The following OCA2 variants were observed in gnomAD, a reference collection of about 807,000 sequenced individuals.
The protein encoded by OCA2 is OCA2 melanosomal transmembrane protein, also known as P protein.
In OCA2, 77 loss-of-function variants were observed where a neutral mutation model predicts 100.2. That is an observed-to-expected ratio of 0.77 (90% CI 0.64 to 0.93). The LOEUF (loss-of-function observed/expected upper bound fraction) is 0.93, where lower values mean the gene tolerates loss of function less well. Among genes scored for constraint, OCA2 ranks in the 40% least tolerant of loss-of-function variants. OCA2 has a pLI of 0.00. For synonymous variants in OCA2, 432 were observed against 439.2 expected (o/e 0.98, Z 0.21); for missense variants, 1,062 against 1,089.1 (o/e 0.98, Z 0.35).
intron 9 of OCA2, among the ~76,000 whole-genome samples, chr15:27,999,945 A>G (rs1398319843): frequency 6.6e-6 from 1 of 152,182 alleles, no homozygotes; most frequent in Admixed American, 6.5e-5. Context: ...ACAGTAAGAC[A>G]TGAATGAAGA....
chr15:27,895,993 G>T (rs181652103), intron 19 of OCA2: 2 of 842,458 alleles, frequency 2.4e-6, no homozygotes, highest in East Asian at 4.9e-5. Context: ...ATTACGCTGC[G>T]GTGTATTGTA....
chr15:28,032,537 C>A (rs7496074), intron 2 of OCA2, among the ~76,000 whole-genome samples: 2 of 151,756 alleles, frequency 1.3e-5, no homozygotes, highest in African/African-American at 2.4e-5. Context: ...TGTAATCCCA[C>A]CACTTTGGGA....
intron 23 of OCA2, among the ~76,000 whole-genome samples, chr15:27,790,267 T>C (rs2033018448): frequency 1.3e-5 from 2 of 152,232 alleles, no homozygotes. Context: ...AAGTGCTGAT[T>C]AGACAGTAGG....
chr15:28,006,172 G>C (rs1054602453), intron 9 of OCA2, among the ~76,000 whole-genome samples: 6 of 152,168 alleles, frequency 3.9e-5, no homozygotes, highest in African/African-American at 1.4e-4. Context: ...GTTAGCTCCG[G>C]TGGTTATCAC....
At chr15:27,833,741 C>T (rs761854825) in intron 23 of OCA2, among the ~76,000 whole-genome samples, 35 of 152,072 alleles carry the variant, frequency 2.3e-4, no homozygotes, top group Non-Finnish European at 4.9e-4. Context: ...TCCCCTTAGA[C>T]GACTCTATAG....
intron 17 of OCA2, among the ~76,000 whole-genome samples, chr15:27,953,485 G>A (rs1402961607): frequency 6.6e-6 from 1 of 152,216 alleles, no homozygotes; most frequent in Non-Finnish European, 1.5e-5. Flanking sequence ...AAGGAGCATG[G>A]CAGGAAAAAG....
chr15:27,886,157 A>C (rs901031103), intron 19 of OCA2, among the ~76,000 whole-genome samples: 5 of 152,214 alleles, frequency 3.3e-5, no homozygotes, highest in Admixed American at 6.5e-5. Flanking sequence ...TCTGGGGTCC[A>C]GCCCCCTGAG....
chr15:27,973,947 T>C (rs1332139825), intron 14 of OCA2, among the ~76,000 whole-genome samples: 2 of 152,204 alleles, frequency 1.3e-5, no homozygotes, highest in African/African-American at 4.8e-5. Flanking sequence ...TGGTAGCTAT[T>C]GTGAAAGGGA....
intron 17 of OCA2, among the ~76,000 whole-genome samples, chr15:27,954,116 T>TACAC (rs200633980): frequency 0.036 from 1,682 of 46,444 alleles, 28 homozygotes; most frequent in African/African-American, 0.051. Context: ...TTCCATGGCA[T>TACAC]ACACACACAC....
intron 3 of OCA2, 48 bp downstream of exon 3, chr15:28,032,017 G>T: frequency 7.2e-7 from 1 of 1,387,222 alleles, no homozygotes; most frequent in Non-Finnish European, 1.0e-6. Context: ...CATGCCAGGT[G>T]CAATGCTCAG....
chr15:27,980,042 C>G (rs2041104125), intron 14 of OCA2, among the ~76,000 whole-genome samples: 2 of 151,542 alleles, frequency 1.3e-5, no homozygotes. Flanking sequence ...TCTTCCCTTC[C>G]AGGCTTTATT....
downstream of OCA2, among the ~76,000 whole-genome samples, chr15:27,754,535 G>A (rs987689209): frequency 6.6e-6 from 1 of 152,160 alleles, no homozygotes; most frequent in Admixed American, 6.5e-5. Flanking sequence ...GAAGCACAGG[G>A]CTCCCCCTTG....
intron 23 of OCA2, among the ~76,000 whole-genome samples, chr15:27,838,304 A>G (rs369646818): frequency 5.9e-5 from 9 of 152,358 alleles, no homozygotes; most frequent in African/African-American, 2.2e-4. Context: ...AATGAAGATT[A>G]AATTATAAGG....
At chr15:28,056,622 C>T (rs561495964) in intron 2 of OCA2, among the ~76,000 whole-genome samples, 133 of 152,388 alleles carry the variant, frequency 8.7e-4, no homozygotes, top group African/African-American at 3.1e-3. Context: ...GTTAGGAAAG[C>T]ATCAGCAGTG....
intron 19 of OCA2, among the ~76,000 whole-genome samples, chr15:27,913,838 G>GGAAAGAAAGAAAAGAAA (rs2038505029): frequency 1.9e-4 from 7 of 37,038 alleles, no homozygotes; most frequent in African/African-American, 4.4e-4. Context: ...AAGAAAGAAA[G>GGAAAGAAAGAAAAGAAA]GAAAGAAAGA....
At chr15:27,805,314 G>A (rs2033789117) in intron 23 of OCA2, among the ~76,000 whole-genome samples, 1 of 152,254 alleles carries the variant, frequency 6.6e-6, no homozygotes. Context: ...GAGGCGATAA[G>A]CCTTAGGGGC....
intron 1 of OCA2, among the ~76,000 whole-genome samples, chr15:28,083,846 T>C (rs1158873007): frequency 6.6e-6 from 1 of 152,228 alleles, no homozygotes; most frequent in Admixed American, 6.5e-5. Context: ...CTGGTCCTGC[T>C]GAGACTTTAG....
Position 27,957,102 on chromosome 15 carries a change from G to A in OCA2, c.1784+486C>T, listed in dbSNP as rs1228991903. Among the ~76,000 whole-genome samples the A allele has an allele frequency of 6.6e-6, 1 of 152,206 alleles. No homozygotes were observed. The highest frequency in any genetic ancestry group is 1.5e-5 in the Non-Finnish European group (1 of 68,036). On this transcript the variant is annotated intron_variant, in intron 16 of 23. Transcript: ENST00000354638. The surrounding 1 kb of genome is among the most constrained non-coding windows in gnomAD (Gnocchi z 4.3). ...GCAAGGAGAAAAACCACCAATTCAT[G>A]GTTACCCTTTAAATCTCAGCTTCAA...
At chr15:27,757,052 A>T (rs916129340) in intron 23 of OCA2, among the ~76,000 whole-genome samples, 7 of 152,154 alleles carry the variant, frequency 4.6e-5, no homozygotes, top group African/African-American at 1.4e-4. Flanking sequence ...GACACTCTCC[A>T]TGCACAGGAC....
Sources: gnomAD v4.1 joint callset for allele counts (sites outside exome capture counted in the v4.1 genomes callset) on GRCh38, gnomAD v4.1.1 for gene constraint, Gnocchi (gnomAD v3.1) non-coding constraint, MANE v1.5 for transcripts, NCBI Gene and HGNC (gene_info 2026-07-23, HGNC 2026-07-21) for gene names.